Variants in ATF7IP observed in about 807,000 individuals in gnomAD.
ATF7IP encodes activating transcription factor 7 interacting protein.
A neutral mutation model predicts 106.4 loss-of-function variants in ATF7IP; 23 were observed. That is an observed-to-expected ratio of 0.22 (90% confidence interval 0.16 to 0.31). The LOEUF (loss-of-function observed/expected upper bound fraction) is 0.31, where lower values mean the gene tolerates loss of function less well. Ranked by LOEUF, ATF7IP falls within the 10% of genes least tolerant of loss-of-function variation. The pLI, the probability that ATF7IP is intolerant of heterozygous loss-of-function variation, is 1.00. For missense variants in ATF7IP, 1,334 were observed against 1,524.3 expected, an observed-to-expected ratio of 0.88 and a Z score of 2.08; for synonymous variants, 542 against 539.0, an observed-to-expected ratio of 1.01 and a Z score of -0.08.
At chr12:14,467,945 C>G (rs1943892694) in intron 10 of ATF7IP, among the ~76,000 whole-genome samples, 1 of 152,138 alleles carries the variant, frequency 6.6e-6, no homozygotes, top group Non-Finnish European at 1.5e-5. Flanking sequence ...TTGTATTAAA[C>G]TCTATTGTAT....
At chr12:14,383,981 A>G (rs1695438932) in intron 1 of ATF7IP, among the ~76,000 whole-genome samples, 1 of 152,176 alleles carries the variant, frequency 6.6e-6, no homozygotes, top group African/African-American at 2.4e-5. Flanking sequence ...TGTTACATAC[A>G]TTATTCATTT....
intron 2 of ATF7IP, among the ~76,000 whole-genome samples, chr12:14,426,527 G>A (rs554999420): frequency 5.4e-5 from 8 of 148,418 alleles, no homozygotes; most frequent in Non-Finnish European, 1.2e-4. Flanking sequence ...ATTAAAAAAT[G>A]GCTTTTTTTT....
At chr12:14,400,165 A>G (rs887783109) in intron 1 of ATF7IP, among the ~76,000 whole-genome samples, 7 of 152,160 alleles carry the variant, frequency 4.6e-5, no homozygotes, top group African/African-American at 1.7e-4. Context: ...GAAAGTCTGT[A>G]TTTGTATCGC....
At chr12:14,374,085 T>C (rs1938631121) in intron 1 of ATF7IP, among the ~76,000 whole-genome samples, 2 of 151,436 alleles carry the variant, frequency 1.3e-5, no homozygotes, top group South Asian at 4.2e-4. Context: ...TTTTCCATGA[T>C]GGAAAATATG....
At chr12:14,378,534 A>T (rs927735377) in intron 1 of ATF7IP, among the ~76,000 whole-genome samples, 10 of 152,234 alleles carry the variant, frequency 6.6e-5, no homozygotes, top group African/African-American at 2.4e-4. Context: ...CTATTTCTAT[A>T]AAGTATACCT....
chr12:14,446,743 G>A (rs1942977943), intron 5 of ATF7IP, among the ~76,000 whole-genome samples: 1 of 152,180 alleles, frequency 6.6e-6, no homozygotes, highest in South Asian at 2.1e-4. Flanking sequence ...GTTCGAGGAA[G>A]AAATAGGCTA....
At chr12:14,437,073 AGGAGTATTTAGAATAC>A (rs1942437933) in intron 4 of ATF7IP, among the ~76,000 whole-genome samples, 2 of 152,202 alleles carry the variant, frequency 1.3e-5, no homozygotes, top group Admixed American at 1.3e-4. Context: ...GACTAGAGAA[AGGAGTATTTAGAATAC>A]GGAGTTTGAA....
chr12:14,376,072 C>T lies in ATF7IP; in HGVS notation c.-8+10245C>T, dbSNP rs552611290. Among the ~76,000 whole-genome samples the T allele has an allele frequency of 1.9e-3, 291 of 152,278 alleles. 2 individuals are homozygous for T. The highest frequency in any genetic ancestry group is 6.8e-3 in the Middle Eastern group (2 of 294). On this transcript the variant is annotated intron_variant, in intron 1 of 14. Coordinates refer to ENST00000261168, the MANE Select transcript of ATF7IP (RefSeq NM_018179.5). Reference sequence around the variant, plus strand: ...ACAAACGGGTATTTAAAGGAAAAAACGCCACACGATTACTAAATTCACTAA... The same window carrying T: ...ACAAACGGGTATTTAAAGGAAAAAATGCCACACGATTACTAAATTCACTAA...
intron 13 of ATF7IP, among the ~76,000 whole-genome samples, chr12:14,484,089 C>A (rs11524959): frequency 0.31 from 46,509 of 152,000 alleles, 8,277 homozygotes; most frequent in Admixed American, 0.45. Context: ...CAACCTGCCA[C>A]CCGGTAGCTA....
chr12:14,381,900 C>A (rs1939018679), intron 1 of ATF7IP, among the ~76,000 whole-genome samples: 1 of 148,908 alleles, frequency 6.7e-6, no homozygotes, highest in Non-Finnish European at 1.5e-5. Context: ...AATTGTGTGA[C>A]TCCTGGCAAA....
At position 14,500,617 on chromosome 12, in the gene ATF7IP, C is replaced by T. The variant is rs544717645; in HGVS notation, c.*2544C>T. On this transcript the variant is annotated 3_prime_UTR_variant, in exon 15 of 15. Transcript: ENST00000261168. ...ATTCCTGTCTACAAAACTGAAGGCC[C>T]ATGTTCAAATTGTTCTTTATTGGGT... The T allele has an allele frequency of 1.3e-5, 2 of 152,220 alleles. No individual in the cohort carries two copies. The highest frequency in any genetic ancestry group is 3.9e-4 in the East Asian group (2 of 5,194). 9.4% of individuals were successfully genotyped at this position (152,220 alleles called of 1,614,324 possible). A position where few individuals can be genotyped will look rare whatever the true frequency, so the allele number is the denominator to read the frequency against.
intron 10 of ATF7IP, among the ~76,000 whole-genome samples, chr12:14,472,394 A>T (rs1944084085): frequency 6.6e-6 from 1 of 152,216 alleles, no homozygotes. Flanking sequence ...ACTAATTAGC[A>T]ATCATTTATC....
chr12:14,425,987 G>C (rs1441174895), intron 2 of ATF7IP, among the ~76,000 whole-genome samples: 2 of 152,132 alleles, frequency 1.3e-5, no homozygotes, highest in African/African-American at 4.8e-5. Flanking sequence ...TTATCCATTT[G>C]ATAAAGACTT....
chr12:14,474,171 A>G (rs976803823), intron 10 of ATF7IP, among the ~76,000 whole-genome samples: 1 of 150,664 alleles, frequency 6.6e-6, no homozygotes, highest in African/African-American at 2.4e-5. Flanking sequence ...CGTTTTTCAT[A>G]TTTTCTTCTG....
At chr12:14,466,075 C>T (rs1256956376) in intron 9 of ATF7IP, 2 of 152,578 alleles carry the variant, frequency 1.3e-5, no homozygotes, top group South Asian at 2.1e-4. Context: ...GAAAAATCAC[C>T]GATGATTGAA....
chr12:14,481,116 C>T lies in ATF7IP; in HGVS notation c.3211C>T (p.Pro1071Ser), dbSNP rs138654752. Residue 1071 changes from proline to serine, a missense_variant, in exon 13 of 15, where the codon CCA (proline) becomes TCA (serine). Transcript: ENST00000261168. ...GGTTTATACAACTCTTCCTGCACCA[C>T]CAGCTCAGGCTCCCTTGCGAGGAAC... Reference protein sequence around the residue: ...QVVYTTLPAPPAQAPLRGTVM... With the variant: ...QVVYTTLPAPSAQAPLRGTVM... 7,350 of 1,614,052 alleles carry T rather than the reference C, an allele frequency of 4.6e-3. 17 individuals are homozygous for T. The highest frequency in any genetic ancestry group is 5.7e-3 in the Non-Finnish European group (6,735 of 1,179,964).
At chr12:14,461,601 C>T (rs577302559) in intron 9 of ATF7IP, among the ~76,000 whole-genome samples, 1 of 152,134 alleles carries the variant, frequency 6.6e-6, no homozygotes, top group Non-Finnish European at 1.5e-5. Context: ...GTTTTTCTTT[C>T]ACATTTGCTA....
intron 1 of ATF7IP, among the ~76,000 whole-genome samples, chr12:14,386,316 T>G (rs1286848859): frequency 6.6e-6 from 1 of 152,158 alleles, no homozygotes; most frequent in Non-Finnish European, 1.5e-5. Context: ...GATGGGAGAA[T>G]GAAATTCTTA....
intron 1 of ATF7IP, among the ~76,000 whole-genome samples, chr12:14,420,762 A>C (rs1941466620): frequency 6.6e-6 from 1 of 152,266 alleles, no homozygotes; most frequent in South Asian, 2.1e-4. Context: ...ACCAGAGAAC[A>C]GCATGGCTTA....
Sources: allele counts gnomAD v4.1 joint callset (sites outside exome capture counted in the v4.1 genomes callset), GRCh38; gene constraint gnomAD v4.1.1; transcripts MANE v1.5; gene names NCBI Gene and HGNC (gene_info 2026-07-23, HGNC 2026-07-21).